ENPP6: variants seen among roughly 807,000 people sequenced by gnomAD.
The protein encoded by ENPP6 is ectonucleotide pyrophosphatase/phosphodiesterase 6, also known as glycerophosphocholine cholinephosphodiesterase ENPP6.
In ENPP6, 32 loss-of-function variants were observed where a neutral mutation model predicts 42.0. That is an observed-to-expected ratio of 0.76 (90% CI 0.58 to 1.02). The LOEUF (loss-of-function observed/expected upper bound fraction) is 1.02, where lower values mean the gene tolerates loss of function less well. Among genes scored for constraint, ENPP6 ranks in the 50% least tolerant of loss-of-function variants. The pLI is 0.00. For missense variants in ENPP6, 552 were observed against 566.8 expected, an observed-to-expected ratio of 0.97 and a Z score of 0.27; for synonymous variants, 213 against 216.0, an observed-to-expected ratio of 0.99 and a Z score of 0.12.
intron 1 of ENPP6, among the ~76,000 whole-genome samples, chr4:184,154,123 C>T (rs1268556685): frequency 3.9e-5 from 6 of 152,206 alleles, no homozygotes; most frequent in Admixed American, 3.9e-4. Context: ...AACCCTCCTC[C>T]CGTGAGATCA....
At chr4:184,132,567 G>A (rs539511593) in intron 2 of ENPP6, among the ~76,000 whole-genome samples, 1 of 140,356 alleles carries the variant, frequency 7.1e-6, no homozygotes, top group Non-Finnish European at 1.6e-5. Context: ...CACTGTTAGT[G>A]CTATCTTTTC....
intron 1 of ENPP6, among the ~76,000 whole-genome samples, chr4:184,180,838 C>T (rs1382568263): frequency 3.9e-5 from 6 of 152,136 alleles, no homozygotes; most frequent in African/African-American, 7.2e-5. Flanking sequence ...TCTCGATAAA[C>T]TAGGTATTGA....
At chr4:184,166,840 C>T (rs1005329813) in intron 1 of ENPP6, among the ~76,000 whole-genome samples, 1 of 152,234 alleles carries the variant, frequency 6.6e-6, no homozygotes, top group African/African-American at 2.4e-5. Context: ...CCTTTTCCCA[C>T]CCACTGTGCT....
At chr4:184,134,131 G>GATTTATTT (rs60164895) in intron 2 of ENPP6, among the ~76,000 whole-genome samples, 38,692 of 147,108 alleles carry the variant, frequency 0.26, 5,634 homozygotes, top group African/African-American at 0.37. Flanking sequence ...TTATGGAAGT[G>GATTTATTT]ATTTATTTAT....
intron 1 of ENPP6, among the ~76,000 whole-genome samples, chr4:184,191,024 G>A (rs947478522): frequency 6.6e-6 from 1 of 152,240 alleles, no homozygotes; most frequent in African/African-American, 2.4e-5. Flanking sequence ...AAAGGCAGTG[G>A]CTCATGTACT....
intron 2 of ENPP6, among the ~76,000 whole-genome samples, chr4:184,128,977 T>C (rs948872784): frequency 2.0e-5 from 3 of 152,270 alleles, no homozygotes; most frequent in Admixed American, 6.5e-5. Flanking sequence ...AAGAAACCTT[T>C]ATGTAACTTG....
chr4:184,131,507 C>G (rs1420709204), intron 2 of ENPP6, among the ~76,000 whole-genome samples: 7 of 133,858 alleles, frequency 5.2e-5, no homozygotes, highest in African/African-American at 2.0e-4. Context: ...GCACCCATCA[C>G]CATGCCCAGC....
chr4:184,215,353 C>T (rs190299635), intron 1 of ENPP6, among the ~76,000 whole-genome samples: 4 of 152,280 alleles, frequency 2.6e-5, no homozygotes, highest in Admixed American at 2.6e-4. Flanking sequence ...ATGCTCAAAC[C>T]ATATGTTTAG....
At chr4:184,173,679 C>T (rs1168740109) in intron 1 of ENPP6, among the ~76,000 whole-genome samples, 2 of 152,164 alleles carry the variant, frequency 1.3e-5, no homozygotes, top group African/African-American at 4.8e-5. Flanking sequence ...ATCTTACTTT[C>T]AAATTACAGA....
chr4:184,132,435 C>T (rs1392896496), intron 2 of ENPP6, among the ~76,000 whole-genome samples: 5 of 152,012 alleles, frequency 3.3e-5, no homozygotes, highest in African/African-American at 9.7e-5. Context: ...GCATATGTTC[C>T]AGATATCAAC....
chr4:184,187,694 A>G (rs1477956305), intron 1 of ENPP6, among the ~76,000 whole-genome samples: 2 of 152,044 alleles, frequency 1.3e-5, no homozygotes, highest in African/African-American at 2.4e-5. Flanking sequence ...CATAGAATTT[A>G]TTACCACCTG....
At chr4:184,206,309 G>A (rs927857383) in intron 1 of ENPP6, among the ~76,000 whole-genome samples, 1 of 121,474 alleles carries the variant, frequency 8.2e-6, no homozygotes, top group Non-Finnish European at 1.7e-5. Flanking sequence ...CCAGGCTGGA[G>A]TGCAGTGGCG....
At position 184,108,529 on chromosome 4, in the gene ENPP6, A is replaced by C. The variant is rs530209054; in HGVS notation, c.993+4143T>G. 4.6e-5 allele frequency among the ~76,000 whole-genome samples: 7 copies of C among 152,358 alleles called. No homozygotes were observed. In the South Asian group the frequency reaches 1.4e-3, roughly 32 times the overall value. Reference sequence around the variant, plus strand: ...AAGAACAATCGAACGATGTCAAAGGAAGAAGTTTAAGCCAATAAAGAAAGA... The same window carrying C: ...AAGAACAATCGAACGATGTCAAAGGCAGAAGTTTAAGCCAATAAAGAAAGA... On this transcript the variant is annotated intron_variant, in intron 6 of 7. Transcript: ENST00000296741.
chr4:184,181,875 A>G (rs1392542529), intron 1 of ENPP6, among the ~76,000 whole-genome samples: 3 of 152,236 alleles, frequency 2.0e-5, no homozygotes, highest in African/African-American at 7.2e-5. Flanking sequence ...TGGATTAAAG[A>G]CTTAAATGTA....
rs79466712 is a variant in ENPP6, at chr4:184,118,207, C to T, written c.534-307G>A. ...CCTCAGCATTTCATTGCTTTAGGTA[C>T]GTGCACATTTAGCATTTCAGATGTG... On this transcript the variant is annotated intron_variant, in intron 3 of 7. Transcript: ENST00000296741. 4.0e-3 allele frequency among the ~76,000 whole-genome samples: 609 copies of T among 152,282 alleles called. 6 individuals carry two copies. The highest frequency in any genetic ancestry group is 0.014 in the Middle Eastern group (4 of 294).
intron 3 of ENPP6, among the ~76,000 whole-genome samples, chr4:184,118,792 G>A (rs1283785531): frequency 1.3e-5 from 2 of 152,116 alleles, no homozygotes; most frequent in Non-Finnish European, 2.9e-5. Flanking sequence ...GAGTAGTCAT[G>A]CCTGCCCACC....
At chr4:184,114,374 G>C (rs1001796542) in intron 5 of ENPP6, among the ~76,000 whole-genome samples, 2 of 152,184 alleles carry the variant, frequency 1.3e-5, no homozygotes, top group Non-Finnish European at 2.9e-5. Flanking sequence ...ATATTTCTGG[G>C]CATCACTGAA....
chr4:184,175,749 G>A (rs1293111162), intron 1 of ENPP6, among the ~76,000 whole-genome samples: 1 of 152,160 alleles, frequency 6.6e-6, no homozygotes, highest in Non-Finnish European at 1.5e-5. Context: ...CCCAAAGGTA[G>A]AGGGAAACAG....
At chr4:184,168,036 GA>G (rs1737386186) in intron 1 of ENPP6, among the ~76,000 whole-genome samples, 1 of 152,148 alleles carries the variant, frequency 6.6e-6, no homozygotes, top group Non-Finnish European at 1.5e-5. Context: ...GTTAAAAACA[GA>G]AGGAACAGGT....
Sources: allele counts gnomAD v4.1 joint callset (sites outside exome capture counted in the v4.1 genomes callset), GRCh38; gene constraint gnomAD v4.1.1; transcripts MANE v1.5; gene names NCBI Gene and HGNC (gene_info 2026-07-23, HGNC 2026-07-21).